ADAD2: variants seen among roughly 807,000 people sequenced by gnomAD.
ADAD2 encodes the protein adenosine deaminase domain-containing protein 2.
ADAD2 carries 60 observed loss-of-function variants against 54.5 expected under a neutral mutation model. The ratio of observed to expected loss-of-function variants is 1.10; its 90% CI spans 0.89 to 1.36. The LOEUF (loss-of-function observed/expected upper bound fraction) is 1.36, where lower values mean the gene tolerates loss of function less well. Ranked by LOEUF, ADAD2 falls within the 40% of genes most tolerant of loss-of-function variation. The pLI is 0.00. For synonymous variants in ADAD2, 543 were observed against 366.2 expected, an observed-to-expected ratio of 1.48 and a Z score of -5.51; for missense variants, 1,103 against 801.3, an observed-to-expected ratio of 1.38 and a Z score of -4.54.
rs899323664 is a variant in ADAD2, at chr16:84,195,511, C to G, written c.885-19C>G. The G allele has an allele frequency of 1.9e-6, 3 of 1,601,278 alleles. No homozygotes were observed. Among genetic ancestry groups the G allele is most frequent in the Middle Eastern group, 1.7e-4 (1 of 6,030 alleles). On this transcript the variant is annotated intron_variant, in intron 5 of 9. Transcript: ENST00000315906. Reference sequence around the variant, plus strand: ...CCAGGACAAGGTCTTCCCAACCACCCTGTGCCTGTCGCTCCTAGGTTCTTG... The same window carrying G: ...CCAGGACAAGGTCTTCCCAACCACCGTGTGCCTGTCGCTCCTAGGTTCTTG...
At chr16:84,194,638 C>T (rs768256930) in intron 2 of ADAD2, 56 bp downstream of exon 2, 2 of 1,562,282 alleles carry the variant, frequency 1.3e-6, no homozygotes, top group Non-Finnish European at 1.7e-6. Context: ...AGGACTGAGG[C>T]TGGCAGTCCC....
chr16:84,196,506 G>T (rs1428860290), intron 8 of ADAD2, 136 bp downstream of exon 8: 9 of 1,541,940 alleles, frequency 5.8e-6, no homozygotes, highest in African/African-American at 1.4e-5. Context: ...TCCTAGCTCC[G>T]TAGTGGTGGC....
intron 1 of ADAD2, among the ~76,000 whole-genome samples, chr16:84,192,274 A>T (rs1350351482): frequency 6.6e-6 from 1 of 151,968 alleles, no homozygotes; most frequent in East Asian, 1.9e-4. Flanking sequence ...CCTCCCGAGG[A>T]GCTGGGACTA....
rs1567610352 is a variant in ADAD2, at chr16:84,191,294, T to G, written c.64T>G (p.Ser22Ala). The G allele has an allele frequency of 6.2e-7, 1 of 1,601,308 alleles. No individual in the cohort carries two copies. Among genetic ancestry groups the G allele is most frequent in the East Asian group, 2.2e-5 (1 of 44,524 alleles). ...GSRRKPRLAA[S>A]LQISPQPRPW... Reference sequence around the variant, plus strand: ...TCGTAGGAAGCCCCGCCTGGCTGCATCGTTGCAGATCAGCCCCCAGCCCCG... The same window carrying G: ...TCGTAGGAAGCCCCGCCTGGCTGCAGCGTTGCAGATCAGCCCCCAGCCCCG... Residue 22 changes from serine to alanine, a missense_variant, in exon 1 of 10, where the codon TCG becomes GCG. Ser to Ala is a moderately conservative substitution (Grantham distance 99, BLOSUM62 1). Transcript: ENST00000315906.
At chr16:84,191,787 C>T (rs979205609) in intron 1 of ADAD2, 139 bp downstream of exon 1, 2 of 1,324,240 alleles carry the variant, frequency 1.5e-6, no homozygotes, top group South Asian at 1.3e-5. Flanking sequence ...AGGACCTGGC[C>T]TGAGCTTGGG....
rs757670932 is a variant in ADAD2 at position 84,195,803 on chromosome 16, C to A, written c.1053-12C>A. On this transcript the variant is annotated splice_polypyrimidine_tract_variant and intron_variant, in intron 6 of 9. Transcript: ENST00000315906. ...GCCCTGAAGCTGATGTCTGTCCCCACCCGGCCCGCAGCCTGCCCCCCACCT... is the reference window on the plus strand; with the variant it reads ...GCCCTGAAGCTGATGTCTGTCCCCAACCGGCCCGCAGCCTGCCCCCCACCT... 4 of 1,588,682 alleles carry A rather than the reference C, an allele frequency of 2.5e-6. No homozygotes were observed. In the East Asian group the frequency reaches 9.0e-5, roughly 36 times the overall value.
chr16:84,195,791 T>C (rs766017548), intron 6 of ADAD2, 24 bp from the exon 7 acceptor site: 223 of 1,575,340 alleles, frequency 1.4e-4, no homozygotes, highest in Non-Finnish European at 1.7e-4. Flanking sequence ...CTGAAGCTGA[T>C]GTCTGTCCCC....
chr16:84,196,380 G>T lies in ADAD2; in HGVS notation c.1526+10G>T. The T allele has an allele frequency of 3.7e-6, 6 of 1,605,994 alleles. No individual in the cohort carries two copies. Among genetic ancestry groups the T allele is most frequent in the South Asian group, 1.1e-5 (1 of 89,934 alleles). On this transcript the variant is annotated intron_variant, in intron 8 of 9. Coordinates refer to ENST00000315906, the MANE Select transcript of ADAD2 (RefSeq NM_001145400.2). ...GGCGTGTGAAGGCCAAGTGAGAAGG[G>T]CCCCCTGGGGCCGGGCTGTGGAGCA...
intron 1 of ADAD2, chr16:84,191,996 C>A: frequency 2.3e-6 from 1 of 427,582 alleles, no homozygotes; most frequent in Non-Finnish European, 4.4e-6. Flanking sequence ...ATTGGAGATA[C>A]CGAAATGGGA....
rs1278702392 is a variant in ADAD2 at position 84,196,721 on chromosome 16, T to C, written c.1601T>C (p.Val534Ala). 14 of 1,613,024 alleles carry C rather than the reference T, an allele frequency of 8.7e-6. No homozygotes were observed. Among genetic ancestry groups the C allele is most frequent in the Non-Finnish European group, 1.2e-5 (14 of 1,179,968 alleles). The change falls in exon 9 of 10, where the codon GTG becomes GCG. Residue 534 changes from valine (V) to alanine (A), a missense_variant. Coordinates refer to ENST00000315906, the MANE Select transcript of ADAD2 (RefSeq NM_001145400.2). ...LRAFHQAARA[V>A]GKPYLLALKT... ...GCCTTTCACCAGGCGGCCAGGGCTG[T>C]GGGGAAGCCCTACCTCCTGGCCTTG...
intron 1 of ADAD2, chr16:84,194,209 G>C (rs762338144): frequency 3.8e-6 from 6 of 1,566,864 alleles, no homozygotes; most frequent in Admixed American, 1.9e-5. Context: ...CATCCCTGCT[G>C]TGGAGGAGTT....
intron 2 of ADAD2, 90 bp from the exon 3 acceptor site, chr16:84,194,843 A>G: frequency 4.2e-6 from 6 of 1,423,318 alleles, no homozygotes; most frequent in Non-Finnish European, 5.7e-6. Context: ...CTGGAAGATG[A>G]AAACTTCCTC....
rs531531110 is a variant in ADAD2, at chr16:84,195,829, C to T, written c.1067C>T (p.Ser356Leu). ...AARDIYLPPT[S>L]EGGLPHSPPM... Reference sequence around the variant, plus strand: ...CCGGCCCGCAGCCTGCCCCCCACCTCGGAAGGTGGCCTCCCGCACAGCCCA... The same window carrying T: ...CCGGCCCGCAGCCTGCCCCCCACCTTGGAAGGTGGCCTCCCGCACAGCCCA... The change falls in exon 7 of 10, where the codon TCG becomes TTG. Residue 356 changes from serine (S) to leucine (L), a missense_variant. Coordinates refer to ENST00000315906, the MANE Select transcript of ADAD2 (RefSeq NM_001145400.2). The T allele has an allele frequency of 6.7e-5, 108 of 1,605,464 alleles. No homozygotes were observed. The highest frequency in any genetic ancestry group is 1.3e-4 in the East Asian group (6 of 44,652).
chr16:84,192,295 C>T (rs1171636351), intron 1 of ADAD2, among the ~76,000 whole-genome samples: 1 of 152,018 alleles, frequency 6.6e-6, no homozygotes, highest in Non-Finnish European at 1.5e-5. Context: ...CAGGTGGACT[C>T]CACTACACCT....
In ADAD2 at chr16:84,194,593, G is replaced by A. The variant is rs11864937; in HGVS notation, c.559+11G>A. The A allele has an allele frequency of 1.3e-6, 2 of 1,595,778 alleles. No homozygotes were observed. The highest frequency in any genetic ancestry group is 1.1e-5 in the South Asian group (1 of 88,448). ...AGCTGGAGAACCCAGGTAATGGAGG[G>A]AGGGCCAGGCAGCTGAGCCGCAGCT... On this transcript the variant is annotated intron_variant, in intron 2 of 9. Coordinates refer to ENST00000315906, the MANE Select transcript of ADAD2 (RefSeq NM_001145400.2).
chr16:84,196,883 A>C lies in ADAD2; in HGVS notation c.1661A>C (p.Gln554Pro), dbSNP rs1186248440. 1 of 1,592,950 alleles carries C rather than the reference A, an allele frequency of 6.3e-7. No individual in the cohort carries two copies. ...CTCCCGCCCTAGGCTGGGCCCTACC[A>C]GGAGGCTCGCAGGCAGCTGTCTCTC... ...TYEAAKAGPY[Q>P]EARRQLSLLL... Residue 554 changes from glutamine (Q) to proline (P), a missense_variant, in exon 10 of 10, where the codon CAG becomes CCG. Gln to Pro is a moderately conservative substitution (Grantham distance 76). Coordinates refer to ENST00000315906, the MANE Select transcript of ADAD2 (RefSeq NM_001145400.2).
chr16:84,194,044 T>C (rs759833577), intron 1 of ADAD2: 5 of 1,605,056 alleles, frequency 3.1e-6, no homozygotes, highest in South Asian at 2.2e-5. Context: ...AGGAGAGGAA[T>C]TGAAAGCAAT....
intron 1 of ADAD2, 42 bp from the exon 2 acceptor site, chr16:84,194,400 C>T (rs1043817095): frequency 2.0e-5 from 32 of 1,586,970 alleles, no homozygotes; most frequent in East Asian, 9.0e-5. Flanking sequence ...TGTCACAGGG[C>T]GAAGGCCAGG....
Position 84,191,656 on chromosome 16 carries a change from CG to C in ADAD2, c.418+11del. ...GGGAGGACCAGCCACCAGGTGAGGC[CG>C]GGCCGGGGCATGGCTGTGCCAGAGG... is the stretch of plus-strand genomic sequence containing the variant. On this transcript the variant is annotated intron_variant, in intron 1 of 9. Coordinates refer to ENST00000315906, the MANE Select transcript of ADAD2 (RefSeq NM_001145400.2). 6.4e-7 allele frequency: 1 copy of C among 1,555,368 alleles called. No individual in the cohort carries two copies. The highest frequency in any genetic ancestry group is 8.7e-7 in the Non-Finnish European group (1 of 1,150,244).
Sources: allele counts gnomAD v4.1 joint callset (sites outside exome capture counted in the v4.1 genomes callset), GRCh38; gene constraint gnomAD v4.1.1; transcripts MANE v1.5; gene names NCBI Gene and HGNC (gene_info 2026-07-23, HGNC 2026-07-21).